Variants in CRNN observed in about 807,000 individuals in gnomAD.
CRNN encodes the protein cornulin.
Under a neutral mutation model 44.7 loss-of-function variants are expected in CRNN, and 39 were observed. The observed-to-expected ratio is 0.87, with a 90% CI of 0.68 to 1.14. CRNN has a LOEUF of 1.14. Ranked by LOEUF, CRNN falls within the 50% of genes most tolerant of loss-of-function variation. CRNN has a pLI of 0.00. For synonymous variants in CRNN, 240 were observed against 231.8 expected (o/e 1.04, Z -0.32); for missense variants, 606 against 605.1 (o/e 1.00, Z -0.02).
rs1299346422 is a variant in CRNN, at chr1:152,410,843, T to G, written c.239A>C (p.Lys80Thr). 1 of 1,614,186 alleles carries G rather than the reference T, an allele frequency of 6.2e-7. No individual in the cohort carries two copies. The highest frequency in any genetic ancestry group is 1.7e-5 in the Admixed American group (1 of 60,024). ...EFKEFLVLVF[K>T]VAQACFKTLS... is the part of the protein sequence containing the mutation. The stretch of plus-strand genomic sequence containing the variant: ...TGTCTTGAAACAGGCCTGGGCAACT[T>G]TAAACACTAAGACCAGGAATTCCTT... The change falls in exon 3 of 3, where the codon AAA becomes ACA. Residue 80 changes from lysine (K) to threonine (T), a missense_variant. Lys to Thr is a moderately conservative substitution (Grantham distance 78). Transcript: ENST00000271835.
intron 2 of CRNN, 38 bp downstream of exon 2, chr1:152,412,058 T>C: frequency 6.4e-7 from 1 of 1,560,840 alleles, no homozygotes; most frequent in Non-Finnish European, 8.7e-7. Flanking sequence ...TTCACTCTCC[T>C]GCTATGTCCC....
At position 152,410,049 on chromosome 1, in the gene CRNN, C is replaced by T; in HGVS notation, c.1033G>A (p.Gly345Arg). 6.2e-7 allele frequency: 1 copy of T among 1,614,152 alleles called. No homozygotes were observed. The highest frequency in any genetic ancestry group is 1.1e-5 in the South Asian group (1 of 91,070). Residue 345 changes from glycine to arginine, a missense_variant, in exon 3 of 3, where the codon GGA becomes AGA. By Grantham distance (125) the Gly-to-Arg change is moderately radical. Transcript: ENST00000271835. ...GACCCTGCCTGTATCTGAGTGTGTCCTCCTGTCACAGCCTGGCTGGTCTGG... is the reference window on the plus strand; with the variant it reads ...GACCCTGCCTGTATCTGAGTGTGTCTTCCTGTCACAGCCTGGCTGGTCTGG... Reference protein sequence around the residue: ...RSQTSQAVTGGHTQIQAGSHT... With the variant: ...RSQTSQAVTGRHTQIQAGSHT...
chr1:152,410,407 C>G lies in CRNN; in HGVS notation c.675G>C (p.Glu225Asp). The change falls in exon 3 of 3, where the codon GAG becomes GAC. Residue 225 changes from glutamate (E) to aspartate (D), a missense_variant. Coordinates refer to ENST00000271835, the MANE Select transcript of CRNN (RefSeq NM_016190.3). ...TCTGAGTTCCAGATCCAGTCACAGT[C>G]TCACCTGTCTGGTGGGCTCTGTCCT... Reference protein sequence around the residue: ...REQDRAHQTGETVTGSGTQTQ... With the variant: ...REQDRAHQTGDTVTGSGTQTQ... 6.2e-7 allele frequency: 1 copy of G among 1,614,124 alleles called. No individual in the cohort carries two copies. The highest frequency in any genetic ancestry group is 8.5e-7 in the Non-Finnish European group (1 of 1,180,008).
In CRNN at chr1:152,410,014, C is replaced by A; in HGVS notation, c.1068G>T (p.Glu356Asp). Reference sequence around the variant, plus strand: ...TTTGGCTTCTGTCCTGCTCCACAGTCTCGGTGTGTGACCCTGCCTGTATCT... The same window carrying A: ...TTTGGCTTCTGTCCTGCTCCACAGTATCGGTGTGTGACCCTGCCTGTATCT... ...HTQIQAGSHTETVEQDRSQTV... is the reference protein window; with the variant it reads ...HTQIQAGSHTDTVEQDRSQTV... The change falls in exon 3 of 3, where the codon GAG becomes GAT. Residue 356 changes from glutamate to aspartate, a missense_variant. Transcript: ENST00000271835. 6.2e-7 allele frequency: 1 copy of A among 1,614,200 alleles called. No individual in the cohort carries two copies. Among genetic ancestry groups the A allele is most frequent in the Non-Finnish European group, 8.5e-7 (1 of 1,180,046 alleles).
chr1:152,411,090 A>C, intron 2 of CRNN, 147 bp from the exon 3 acceptor site: 1 of 1,345,620 alleles, frequency 7.4e-7, no homozygotes, highest in Non-Finnish European at 9.6e-7. Context: ...AATTGCCTTT[A>C]TTTTTTTTTA....
chr1:152,410,723 C>T lies in CRNN; in HGVS notation c.359G>A (p.Gly120Asp). Residue 120 changes from glycine (G) to aspartate (D), a missense_variant, in exon 3 of 3, where the codon GGC becomes GAC. Transcript: ENST00000271835. ...SQELGEGQRS[G>D]TEVGRAGKGQ... The stretch of plus-strand genomic sequence containing the variant: ...TTTCCCCGCCCTTCCCACTTCAGTG[C>T]CACTTCTCTGTCCTTCGCCCAGCTC... The T allele has an allele frequency of 3.1e-6, 5 of 1,614,110 alleles. No homozygotes were observed. Among genetic ancestry groups the T allele is most frequent in the Non-Finnish European group, 2.5e-6 (3 of 1,179,966 alleles).
At position 152,410,879 on chromosome 1, in the gene CRNN, G is replaced by A. The variant is rs756328662; in HGVS notation, c.203C>T (p.Thr68Ile). The change falls in exon 3 of 3, where the codon ACT (threonine) becomes ATT (isoleucine). Residue 68 changes from threonine (T) to isoleucine (I), a missense_variant. Thr to Ile is a moderately conservative substitution (Grantham distance 89). Transcript: ENST00000271835. ...LRLLDEDHTG[T>I]VEFKEFLVLV... ...GACCAGGAATTCCTTGAATTCCACA[G>A]TCCCTGTGTGGTCTTCATCCAGCAG... is the stretch of plus-strand genomic sequence containing the variant. 13 of 1,614,148 alleles carry A rather than the reference G, an allele frequency of 8.1e-6. No individual in the cohort carries two copies. The highest frequency in any genetic ancestry group is 1.3e-5 in the African/African-American group (1 of 75,060).
Position 152,409,952 on chromosome 1 carries a change from G to T in CRNN, c.1130C>A (p.Thr377Asn). The T allele has an allele frequency of 6.2e-7, 1 of 1,613,654 alleles. No homozygotes were observed. The highest frequency in any genetic ancestry group is 8.5e-7 in the Non-Finnish European group (1 of 1,179,992). Residue 377 changes from threonine (T) to asparagine (N), a missense_variant, in exon 3 of 3, where the codon ACC (threonine) becomes AAC (asparagine). Physicochemically the swap from Thr to Asn is moderately conservative, Grantham distance 65. Transcript: ENST00000271835. ...TTGACCACTGCCTGGCTGCGTCTGG[G>T]TCTGTCCCTGTTCTCTAGCCCCTCC... ...SHGGAREQGQ[T>N]QTQPGSGQRW...
chr1:152,413,734 G>T (rs1034297803), intron 1 of CRNN, among the ~76,000 whole-genome samples: 1 of 152,100 alleles, frequency 6.6e-6, no homozygotes, highest in Non-Finnish European at 1.5e-5. Flanking sequence ...ATAATAAGAT[G>T]ACCTTTTAGT....
At chr1:152,413,503 A>G (rs1655829108) in intron 1 of CRNN, among the ~76,000 whole-genome samples, 1 of 152,214 alleles carries the variant, frequency 6.6e-6, no homozygotes, top group South Asian at 2.1e-4. Flanking sequence ...CTTGAGTTCT[A>G]GAAAAAGCAG....
chr1:152,412,337 C>T lies in CRNN; in HGVS notation c.-13-91G>A, dbSNP rs919355572. The T allele has an allele frequency of 4.9e-5, 63 of 1,296,556 alleles. No homozygotes were observed. The Middle Eastern group carries it at 5.8e-4, about 12-fold the overall frequency. The allele number at this position is 1,296,556 out of a possible 1,614,324, so 80.3% of individuals were successfully genotyped here. On this transcript the variant is annotated intron_variant, in intron 1 of 2. Coordinates refer to ENST00000271835, the MANE Select transcript of CRNN (RefSeq NM_016190.3). ...GTCTGCTGCTAGGTCTTTCCTTGCA[C>T]GTTCAGCTCTGTTTTTAGTTTTCCT...
rs1655732782 is a variant in CRNN at position 152,410,779 on chromosome 1, C to T, written c.303G>A (p.Glu101=). 1.2e-6 allele frequency: 2 copies of T among 1,614,112 alleles called. No homozygotes were observed. Residue 101 remains glutamate (E), a synonymous_variant, in exon 3 of 3, where the codon GAG becomes GAA. Transcript: ENST00000271835. ...ESAEGACGSQ[E]SGSLHSGASQ... ...AGGCCCCAGAGTGGAGGCTTCCAGA[C>T]TCTTGAGAGCCGCAGGCTCCCTCAG...
At chr1:152,411,308 C>T (rs1655757929) in intron 2 of CRNN, among the ~76,000 whole-genome samples, 1 of 152,240 alleles carries the variant, frequency 6.6e-6, no homozygotes, top group Non-Finnish European at 1.5e-5. Context: ...TTAGTCTCTT[C>T]AGCAGGCCCA....
chr1:152,413,295 T>C (rs1026532780), intron 1 of CRNN, among the ~76,000 whole-genome samples: 1 of 152,178 alleles, frequency 6.6e-6, no homozygotes, highest in Non-Finnish European at 1.5e-5. Context: ...TGGGTTTGGT[T>C]GCATGAGCAA....
rs2101704410 is a variant in CRNN, at chr1:152,409,777, G to A, written c.1305C>T (p.Pro435=). The change falls in exon 3 of 3, where the codon CCC becomes CCT. Residue 435 remains proline, a synonymous_variant. Transcript: ENST00000271835. Reference sequence around the variant, plus strand: ...CAACCCATTCCTCACCAACCACTGTGGGCTGTCTGTCTCCCTGCCCTTCTG... The same window carrying A: ...CAACCCATTCCTCACCAACCACTGTAGGCTGTCTGTCTCCCTGCCCTTCTG... ...CVTEGQGDRQ[P]TVVGEEWVDD... is the part of the protein sequence containing the mutation. 1.9e-6 allele frequency: 3 copies of A among 1,614,164 alleles called. No individual in the cohort carries two copies. Among genetic ancestry groups the A allele is most frequent in the South Asian group, 2.2e-5 (2 of 91,082 alleles).
chr1:152,410,857 C>T lies in CRNN; in HGVS notation c.225G>A (p.Leu75=). ...HTGTVEFKEF[L]VLVFKVAQAC... is the part of the protein sequence containing the mutation. ...CCTGGGCAACTTTAAACACTAAGAC[C>T]AGGAATTCCTTGAATTCCACAGTCC... The change falls in exon 3 of 3, where the codon CTG becomes CTA. Residue 75 remains leucine, a synonymous_variant. Coordinates refer to ENST00000271835, the MANE Select transcript of CRNN (RefSeq NM_016190.3). The T allele has an allele frequency of 6.2e-7, 1 of 1,614,214 alleles. No homozygotes were observed. The highest frequency in any genetic ancestry group is 2.2e-5 in the East Asian group (1 of 44,874).
In CRNN at chr1:152,412,237, T is replaced by C. The variant is rs60680249; in HGVS notation, c.-4A>G. ...TGTTTTGCAGTAACTGAGGCATCTT[T>C]GAAGTCAACCTGGAAAAGATGAAAA... is the stretch of plus-strand genomic sequence containing the variant. On this transcript the variant is annotated 5_prime_UTR_variant, in exon 2 of 3. Coordinates refer to ENST00000271835, the MANE Select transcript of CRNN (RefSeq NM_016190.3). 2.0e-3 allele frequency: 3,257 copies of C among 1,606,290 alleles called. 63 individuals carry two copies. The African/African-American group carries it at 0.038, about 19-fold the overall frequency.
chr1:152,409,721 C>T lies in CRNN; in HGVS notation c.1361G>A (p.Arg454Lys), dbSNP rs755126684. The T allele has an allele frequency of 6.2e-7, 1 of 1,614,238 alleles. No homozygotes were observed. Residue 454 changes from arginine (R) to lysine (K), a missense_variant, in exon 3 of 3, where the codon AGG (arginine) becomes AAG (lysine). By Grantham distance (26) the Arg-to-Lys change is conservative (BLOSUM62 2). Transcript: ENST00000271835. ...GGTATGCAAGTTGCCCTGGTCCAGC[C>T]TGAGGATCACTGTCTCCCTTGAGTG... The part of the protein sequence containing the change: ...DDHSRETVIL[R>K]LDQGNLHTSV...
intron 2 of CRNN, 151 bp downstream of exon 2, chr1:152,411,945 A>G (rs1343718447): frequency 1.3e-6 from 1 of 762,150 alleles, no homozygotes; most frequent in African/African-American, 1.8e-5. Flanking sequence ...TGGTTCTTTC[A>G]CCTTTTTTTC....
Sources: allele counts gnomAD v4.1 joint callset (sites outside exome capture counted in the v4.1 genomes callset), GRCh38; gene constraint gnomAD v4.1.1; transcripts MANE v1.5; gene names NCBI Gene and HGNC (gene_info 2026-07-23, HGNC 2026-07-21).